Variants in PGD observed in about 807,000 individuals in gnomAD.
PGD encodes the protein phosphogluconate dehydrogenase.
Under a neutral mutation model 60.4 loss-of-function variants are expected in PGD, and 21 were observed. That is an observed-to-expected ratio of 0.35 (90% CI 0.25 to 0.50). The LOEUF is 0.50. Ranked by LOEUF, PGD falls within the 20% of genes least tolerant of loss-of-function variation. PGD has a pLI of 0.98. For missense variants in PGD, 477 were observed against 613.1 expected (o/e 0.78, Z 2.34); for synonymous variants, 230 against 235.9 (o/e 0.97, Z 0.23).
chr1:10,408,907 G>A lies in PGD; in HGVS notation c.519+767G>A, dbSNP rs566129921. Among the ~76,000 whole-genome samples the A allele has an allele frequency of 1.1e-4, 17 of 152,242 alleles. 1 individual carries two copies. In the South Asian group the frequency reaches 3.3e-3, roughly 30 times the overall value. Reference sequence around the variant, plus strand: ...GTTACAGGCATGCGCCACCATGCCCGGCCTCGTGTTGCTGTTAAAGTAAAC... The same window carrying A: ...GTTACAGGCATGCGCCACCATGCCCAGCCTCGTGTTGCTGTTAAAGTAAAC... On this transcript the variant is annotated intron_variant, in intron 6 of 12. Coordinates refer to ENST00000270776, the MANE Select transcript of PGD (RefSeq NM_002631.4).
At chr1:10,414,454 A>G (rs1639559901) in intron 8 of PGD, among the ~76,000 whole-genome samples, 1 of 151,942 alleles carries the variant, frequency 6.6e-6, no homozygotes, top group Admixed American at 6.6e-5. Flanking sequence ...GGGTCACTGC[A>G]ACCTCCACCT....
chr1:10,412,603 T>C (rs1328548276), intron 7 of PGD, among the ~76,000 whole-genome samples: 1 of 152,256 alleles, frequency 6.6e-6, no homozygotes, highest in African/African-American at 2.4e-5. Context: ...AGTGCTTTAC[T>C]ATATGCCAAG....
intron 2 of PGD, 104 bp from the exon 3 acceptor site, chr1:10,400,289 C>T (rs764856459): frequency 1.2e-6 from 1 of 838,676 alleles, no homozygotes; most frequent in Admixed American, 2.4e-5. Context: ...GCAGGTCTGA[C>T]CTCCCCAGAA....
At chr1:10,417,283 G>C (rs575477432) in intron 9 of PGD, 93 bp from the exon 10 acceptor site, 1 of 1,454,558 alleles carries the variant, frequency 6.9e-7, no homozygotes, top group African/African-American at 1.4e-5. Flanking sequence ...TGGCCCTTCT[G>C]GGATCTCCAC....
At chr1:10,400,189 C>T (rs1408719261) in intron 2 of PGD, among the ~76,000 whole-genome samples, 1 of 152,180 alleles carries the variant, frequency 6.6e-6, no homozygotes, top group African/African-American at 2.4e-5. Flanking sequence ...GGGTAGTTGG[C>T]CTTCGCCTCG....
chr1:10,399,624 T>G lies in PGD; in HGVS notation c.9-5T>G. Reference sequence around the variant, plus strand: ...CTTTCCTTTGTTCTGTTTCTGCCTCTCTAGAGCTGACATCGCGCTGATCGG... The same window carrying G: ...CTTTCCTTTGTTCTGTTTCTGCCTCGCTAGAGCTGACATCGCGCTGATCGG... On this transcript the variant is annotated splice_region_variant and splice_polypyrimidine_tract_variant and intron_variant, in intron 1 of 12. Transcript: ENST00000270776. 6.2e-7 allele frequency: 1 copy of G among 1,613,392 alleles called. No homozygotes were observed. The highest frequency in any genetic ancestry group is 8.5e-7 in the Non-Finnish European group (1 of 1,179,718).
intron 5 of PGD, among the ~76,000 whole-genome samples, chr1:10,406,927 A>G (rs1639417641): frequency 1.3e-5 from 2 of 152,248 alleles, no homozygotes; most frequent in African/African-American, 2.4e-5. Context: ...ATAAGGAGAA[A>G]TAAAGAAAAG....
chr1:10,414,701 A>G (rs1207803893), intron 8 of PGD, among the ~76,000 whole-genome samples: 1 of 151,986 alleles, frequency 6.6e-6, no homozygotes, highest in Non-Finnish European at 1.5e-5. Flanking sequence ...AGTAAAATAC[A>G]TAGACTTCTG....
At position 10,417,414 on chromosome 1, in the gene PGD, C is replaced by A. The variant is rs776478206; in HGVS notation, c.1014C>A (p.Gly338=). 15 of 1,613,790 alleles carry A rather than the reference C, an allele frequency of 9.3e-6. No homozygotes were observed. The highest frequency in any genetic ancestry group is 1.3e-5 in the African/African-American group (1 of 75,014). Residue 338 remains glycine, a synonymous_variant, in exon 10 of 13, where the codon GGC becomes GGA. Transcript: ENST00000270776. Reference sequence around the variant, plus strand: ...CCAAGATCATCTCTTACGCTCAAGGCTTTATGCTGCTAAGGCAGGCAGCCA... The same window carrying A: ...CCAAGATCATCTCTTACGCTCAAGGATTTATGCTGCTAAGGCAGGCAGCCA... ...YASKIISYAQ[G]FMLLRQAATE... is the part of the protein sequence containing the mutation.
intron 2 of PGD, 101 bp from the exon 3 acceptor site, chr1:10,400,291 TC>T: frequency 1.2e-6 from 1 of 854,400 alleles, no homozygotes; most frequent in South Asian, 1.7e-5. Context: ...AGGTCTGACC[TC>T]CCCAGAACTT....
At position 10,400,424 on chromosome 1, in the gene PGD, T is replaced by C. The variant is rs150401113; in HGVS notation, c.116T>C (p.Val39Ala). The stretch of plus-strand genomic sequence containing the variant: ...GCTTTTAATAGGACTGTCTCCAAAG[T>C]TGATGATTTCTTGGCCAATGAGGCA... ...VCAFNRTVSK[V>A]DDFLANEAKG... Residue 39 changes from valine (V) to alanine (A), a missense_variant, in exon 3 of 13, where the codon GTT (valine) becomes GCT (alanine). Physicochemically the swap from Val to Ala is moderately conservative, Grantham distance 64. Transcript: ENST00000270776. The C allele has an allele frequency of 3.3e-5, 54 of 1,613,898 alleles. No individual in the cohort carries two copies. In the African/African-American group the frequency reaches 6.9e-4, roughly 21 times the overall value.
intron 8 of PGD, among the ~76,000 whole-genome samples, chr1:10,413,690 G>C (rs1639544668): frequency 1.3e-5 from 2 of 152,128 alleles, no homozygotes; most frequent in African/African-American, 2.4e-5. Context: ...TGGATCATGA[G>C]GTCAGGAGAT....
chr1:10,399,709 G>A lies in PGD; in HGVS notation c.84+5G>A. ...ATGAATGACCACGGCTTTGTGGTAAGCGGCGTGGGCGCGTTGTCTTCTCTC... is the reference window on the plus strand; with the variant it reads ...ATGAATGACCACGGCTTTGTGGTAAACGGCGTGGGCGCGTTGTCTTCTCTC... On this transcript the variant is annotated splice_donor_5th_base_variant and intron_variant, in intron 2 of 12. Transcript: ENST00000270776. The A allele has an allele frequency of 6.2e-7, 1 of 1,613,670 alleles. No homozygotes were observed. Among genetic ancestry groups the A allele is most frequent in the Non-Finnish European group, 8.5e-7 (1 of 1,179,578 alleles).
intron 6 of PGD, among the ~76,000 whole-genome samples, chr1:10,410,661 A>G (rs1639485112): frequency 6.6e-6 from 1 of 152,052 alleles, no homozygotes; most frequent in Admixed American, 6.6e-5. Flanking sequence ...CCAGTTCTTG[A>G]CAACTAAATA....
intron 5 of PGD, among the ~76,000 whole-genome samples, chr1:10,406,423 A>G (rs1313895718): frequency 6.6e-6 from 1 of 152,204 alleles, no homozygotes; most frequent in East Asian, 1.9e-4. Context: ...CTTATCTCGA[A>G]GCACCTGCAC....
chr1:10,416,934 G>T, intron 8 of PGD, 53 bp from the exon 9 acceptor site: 4 of 1,588,728 alleles, frequency 2.5e-6, no homozygotes, highest in South Asian at 2.2e-5. Flanking sequence ...AGTTTAGCTT[G>T]GGCTCAGAGG....
At position 10,404,170 on chromosome 1, in the gene PGD, C is replaced by A; in HGVS notation, c.340C>A (p.Arg114=). The A allele has an allele frequency of 6.2e-7, 1 of 1,610,984 alleles. No homozygotes were observed. Among genetic ancestry groups the A allele is most frequent in the Non-Finnish European group, 8.5e-7 (1 of 1,178,118 alleles). The change falls in exon 5 of 13, where the codon CGA becomes AGA. Residue 114 remains arginine, a synonymous_variant. Coordinates refer to ENST00000270776, the MANE Select transcript of PGD (RefSeq NM_002631.4). ...TTTTTCTGTCCTTCAGAGACGGTGC[C>A]GAGACCTCAAGGCCAAGGGAATTTT... The part of the protein sequence containing the change: ...SEYRDTTRRC[R]DLKAKGILFV...
Position 10,417,471 on chromosome 1 carries a change from C to A in PGD, c.1071C>A (p.Gly357=). 6.2e-7 allele frequency: 1 copy of A among 1,613,918 alleles called. No individual in the cohort carries two copies. Among genetic ancestry groups the A allele is most frequent in the Non-Finnish European group, 8.5e-7 (1 of 1,179,906 alleles). ...TTGGCTGGACTCTCAATTATGGTGG[C>A]ATCGCCCTGATGTGGAGAGGGGGCT... ...TEFGWTLNYG[G]IALMWRGGCI... is the part of the protein sequence containing the mutation. The change falls in exon 10 of 13, where the codon GGC becomes GGA. Residue 357 remains glycine (G), a synonymous_variant. Coordinates refer to ENST00000270776, the MANE Select transcript of PGD (RefSeq NM_002631.4).
intron 10 of PGD, among the ~76,000 whole-genome samples, chr1:10,417,870 C>T (rs1385266871): frequency 2.0e-5 from 3 of 152,170 alleles, no homozygotes; most frequent in African/African-American, 7.2e-5. Flanking sequence ...CCACCATGTC[C>T]GGCTAATTCT....
Sources: gnomAD v4.1 joint callset for allele counts (sites outside exome capture counted in the v4.1 genomes callset) on GRCh38, gnomAD v4.1.1 for gene constraint, MANE v1.5 for transcripts, NCBI Gene and HGNC (gene_info 2026-07-23, HGNC 2026-07-21) for gene names.